PRKN: variants seen among roughly 807,000 people sequenced by gnomAD.
PRKN encodes E3 ubiquitin-protein ligase parkin.
A neutral mutation model predicts 59.5 loss-of-function variants in PRKN; 56 were observed. That is an observed-to-expected ratio of 0.94 (90% CI 0.76 to 1.18). The LOEUF (loss-of-function observed/expected upper bound fraction) is 1.18. PRKN is among the 50% of genes most tolerant of loss of function. The pLI, the probability that PRKN is intolerant of heterozygous loss-of-function variation, is 0.00. For missense variants in PRKN, 657 were observed against 596.4 expected, an observed-to-expected ratio of 1.10 and a Z score of -1.06; for synonymous variants, 250 against 222.1, an observed-to-expected ratio of 1.13 and a Z score of -1.12.
chr6:161,556,779 T>G (rs1355428211), intron 8 of PRKN, among the ~76,000 whole-genome samples: 4 of 152,208 alleles, frequency 2.6e-5, no homozygotes, highest in Non-Finnish European at 5.9e-5. Context: ...TGTGATTAAT[T>G]TATAATGTGA....
intron 2 of PRKN, among the ~76,000 whole-genome samples, chr6:162,287,129 A>T (rs938365144): frequency 4.6e-5 from 7 of 152,214 alleles, no homozygotes; most frequent in Non-Finnish European, 1.0e-4. Flanking sequence ...CAGAAAAATG[A>T]TAACAGATTA....
At chr6:162,051,110 GA>G (rs887904817) in intron 5 of PRKN, among the ~76,000 whole-genome samples, 1 of 152,138 alleles carries the variant, frequency 6.6e-6, no homozygotes, top group Non-Finnish European at 1.5e-5. Flanking sequence ...CCTATGCAAA[GA>G]AAGGTCTTTT....
At chr6:162,631,947 A>G (rs1379415523) in intron 1 of PRKN, among the ~76,000 whole-genome samples, 2 of 151,702 alleles carry the variant, frequency 1.3e-5, no homozygotes, top group African/African-American at 4.8e-5. Context: ...ACAATAAGAT[A>G]CCATCTTATA....
intron 7 of PRKN, among the ~76,000 whole-genome samples, chr6:161,610,678 C>T (rs1450610329): frequency 6.6e-6 from 1 of 151,816 alleles, no homozygotes; most frequent in Non-Finnish European, 1.5e-5. Context: ...GCAAATAAAC[C>T]AGGGAGGCAA....
rs55897349 is a variant in PRKN at position 161,842,095 on chromosome 6, C to G, written c.735-56187G>C. 9.3e-3 allele frequency among the ~76,000 whole-genome samples: 1,421 copies of G among 152,240 alleles called. 30 individuals carry two copies. The highest frequency in any genetic ancestry group is 0.076 in the East Asian group (393 of 5,162). On this transcript the variant is annotated intron_variant, in intron 6 of 11. Coordinates refer to ENST00000366898, the MANE Select transcript of PRKN (RefSeq NM_004562.3). ...TACAACAAGATGTAAGGAGCACACT[C>G]GGCTTGTCCTCAGGTTGCATTTATT... is the stretch of plus-strand genomic sequence containing the variant.
At position 161,548,861 on chromosome 6, in the gene PRKN, C is replaced by T. The variant is rs201300874; in HGVS notation, c.1076G>A (p.Gly359Asp). ...GGTGTGGGCAGTACTCACCCCACAGCCCAGGCCATTGCCCCCTTCGCAGGT... is the reference window on the plus strand; with the variant it reads ...GGTGTGGGCAGTACTCACCCCACAGTCCAGGCCATTGCCCCCTTCGCAGGT... Reference protein sequence around the residue: ...KVTCEGGNGLGCGFAFCRECK... With the variant: ...KVTCEGGNGLDCGFAFCRECK... The change falls in exon 9 of 12, where the codon GGC (glycine) becomes GAC (aspartate). Residue 359 changes from glycine (G) to aspartate (D), a missense_variant. Transcript: ENST00000366898. This position sits in a 1 kb window ranked among gnomAD's most constrained non-coding sequence, Gnocchi z 4.2. 422 of 1,614,158 alleles carry T rather than the reference C, an allele frequency of 2.6e-4. 5 individuals carry two copies. In the South Asian group the frequency reaches 4.4e-3, roughly 17 times the overall value.
chr6:162,277,497 G>T (rs1435667601), intron 2 of PRKN, among the ~76,000 whole-genome samples: 1 of 152,036 alleles, frequency 6.6e-6, no homozygotes, highest in Non-Finnish European at 1.5e-5. Context: ...GCAAAATAAA[G>T]ATACATGATA....
chr6:162,105,365 A>C (rs777438818), intron 4 of PRKN, among the ~76,000 whole-genome samples: 2 of 152,210 alleles, frequency 1.3e-5, no homozygotes, highest in Non-Finnish European at 2.9e-5. Flanking sequence ...TCAAGGAGAA[A>C]GGAGATTATA....
intron 7 of PRKN, among the ~76,000 whole-genome samples, chr6:161,636,452 G>C (rs1783524527): frequency 6.6e-6 from 1 of 152,264 alleles, no homozygotes; most frequent in Non-Finnish European, 1.5e-5. Flanking sequence ...TGCTGCTGCA[G>C]CTGCTGGTGA....
In PRKN at chr6:162,110,186, T is replaced by C. The variant is rs573272859; in HGVS notation, c.535-56012A>G. Among the ~76,000 whole-genome samples the C allele has an allele frequency of 2.5e-4, 38 of 152,304 alleles. No individual in the cohort carries two copies. In the South Asian group the frequency reaches 3.7e-3, roughly 15 times the overall value. On this transcript the variant is annotated intron_variant, in intron 4 of 11. Coordinates refer to ENST00000366898, the MANE Select transcript of PRKN (RefSeq NM_004562.3). Reference sequence around the variant, plus strand: ...TTCTCACTATGGGAAAAGGTAGATATGAATACTGAAAGGGGAAAGGCAATA... The same window carrying C: ...TTCTCACTATGGGAAAAGGTAGATACGAATACTGAAAGGGGAAAGGCAATA...
At chr6:161,563,559 T>C (rs1182048422) in intron 8 of PRKN, among the ~76,000 whole-genome samples, 1 of 152,198 alleles carries the variant, frequency 6.6e-6, no homozygotes, top group African/African-American at 2.4e-5. Flanking sequence ...AAAGGTGCTA[T>C]ATGAATATGA....
At chr6:162,693,820 T>G (rs1402399471) in intron 1 of PRKN, among the ~76,000 whole-genome samples, 1 of 152,200 alleles carries the variant, frequency 6.6e-6, no homozygotes, top group Non-Finnish European at 1.5e-5. Context: ...TAAACAGGAA[T>G]AAGTGAAGCT....
At chr6:162,294,876 T>G (rs1409260416) in intron 2 of PRKN, among the ~76,000 whole-genome samples, 1 of 152,158 alleles carries the variant, frequency 6.6e-6, no homozygotes, top group Non-Finnish European at 1.5e-5. Flanking sequence ...ACTACTGAAA[T>G]ACTGCACTCA....
chr6:162,305,216 T>C (rs918153151), intron 2 of PRKN, among the ~76,000 whole-genome samples: 1 of 152,270 alleles, frequency 6.6e-6, no homozygotes, highest in East Asian at 1.9e-4. Context: ...TGCCAATATG[T>C]CATGGCTAAT....
In PRKN at chr6:161,527,137, C is replaced by T. The variant is rs1264280673; in HGVS notation, c.1083+21717G>A. 6.6e-6 allele frequency among the ~76,000 whole-genome samples: 1 copy of T among 152,194 alleles called. No individual in the cohort carries two copies. Among genetic ancestry groups the T allele is most frequent in the African/African-American group, 2.4e-5 (1 of 41,450 alleles). On this transcript the variant is annotated intron_variant, in intron 9 of 11. Transcript: ENST00000366898. This position sits in a 1 kb window ranked among gnomAD's most constrained non-coding sequence, Gnocchi z 4.6. ...TCCTGTGATAAGATCTTCTCTGTTT[C>T]ATGAGATTCCTATGACAATTATTTT...
rs1780686220 is a variant in PRKN, at chr6:161,567,200, G to T, written c.933+2155C>A. On this transcript the variant is annotated intron_variant, in intron 8 of 11. Coordinates refer to ENST00000366898, the MANE Select transcript of PRKN (RefSeq NM_004562.3). ...ATTACAGGCGTGCACCACCATGCCT[G>T]GCTAATATTTTGTATTTTTAGTAGA... Among the ~76,000 whole-genome samples the T allele has an allele frequency of 2.6e-5, 4 of 151,878 alleles. No individual in the cohort carries two copies. In the South Asian group the frequency reaches 8.4e-4, roughly 32 times the overall value.
intron 1 of PRKN, among the ~76,000 whole-genome samples, chr6:162,630,646 T>C (rs1439688522): frequency 2.0e-5 from 3 of 152,154 alleles, no homozygotes; most frequent in African/African-American, 7.2e-5. Context: ...AGCAAAGATA[T>C]CTTTATCTGT....
In PRKN at chr6:161,393,581, A is replaced by G. The variant is rs1223500307; in HGVS notation, c.1084-6704T>C. Among the ~76,000 whole-genome samples the G allele has an allele frequency of 6.6e-6, 1 of 152,062 alleles. No homozygotes were observed. The highest frequency in any genetic ancestry group is 1.5e-5 in the Non-Finnish European group (1 of 68,006). On this transcript the variant is annotated intron_variant, in intron 9 of 11. Coordinates refer to ENST00000366898, the MANE Select transcript of PRKN (RefSeq NM_004562.3). The surrounding 1 kb of genome is among the most constrained non-coding windows in gnomAD (Gnocchi z 4.7). Reference sequence around the variant, plus strand: ...TTTCCCATATTTCCATAATGAACACATTCAAAAGGGGCTGTATGTGTACTT... The same window carrying G: ...TTTCCCATATTTCCATAATGAACACGTTCAAAAGGGGCTGTATGTGTACTT...
intron 1 of PRKN, among the ~76,000 whole-genome samples, chr6:162,628,662 G>GA (rs1006763069): frequency 3.3e-5 from 5 of 151,726 alleles, no homozygotes; most frequent in African/African-American, 1.2e-4. Flanking sequence ...GATAAGACAA[G>GA]AAAAAAAATA....
Sources: gnomAD v4.1 joint callset for allele counts (sites outside exome capture counted in the v4.1 genomes callset) on GRCh38, gnomAD v4.1.1 for gene constraint, Gnocchi (gnomAD v3.1) non-coding constraint, MANE v1.5 for transcripts, NCBI Gene and HGNC (gene_info 2026-07-23, HGNC 2026-07-21) for gene names.